The following IKZF2 variants were observed in gnomAD, a reference collection of about 807,000 sequenced individuals.
IKZF2 encodes the protein IKAROS family zinc finger 2, also known as zinc finger protein Helios.
In IKZF2, 15 loss-of-function variants were observed where a neutral mutation model predicts 49.2. The ratio of observed to expected loss-of-function variants is 0.30; its 90% CI spans 0.20 to 0.47. The LOEUF (loss-of-function observed/expected upper bound fraction) is 0.47, where lower values mean the gene tolerates loss of function less well. Ranked by LOEUF, IKZF2 falls within the 20% of genes least tolerant of loss-of-function variation. IKZF2 has a pLI of 1.00. For synonymous variants in IKZF2, 227 were observed against 221.4 expected (o/e 1.03, Z -0.23); for missense variants, 567 against 664.6 (o/e 0.85, Z 1.61).
At chr2:213,010,886 G>A (rs1695873253) in intron 8 of IKZF2, among the ~76,000 whole-genome samples, 1 of 152,058 alleles carries the variant, frequency 6.6e-6, no homozygotes, top group Non-Finnish European at 1.5e-5. Flanking sequence ...AAATATTTAG[G>A]CATATGAATG....
At chr2:213,113,237 TATCA>T (rs1283462116) in intron 4 of IKZF2, among the ~76,000 whole-genome samples, 1 of 152,208 alleles carries the variant, frequency 6.6e-6, no homozygotes, top group Non-Finnish European at 1.5e-5. Context: ...CTCCAATGAC[TATCA>T]AAGAAGTTGA....
At position 213,151,592 on chromosome 2, in the gene IKZF2, T is replaced by G. The variant is rs1481131268; in HGVS notation, c.-299A>C. On this transcript the variant is annotated 5_prime_UTR_variant, in exon 1 of 9. Coordinates refer to ENST00000434687, the MANE Select transcript of IKZF2 (RefSeq NM_001387220.1). Reference sequence around the variant, plus strand: ...AATCCTGTTTTTACTTCCTCCATCTTCAGCGAGGAGCAGGGTTAGCCCGGG... The same window carrying G: ...AATCCTGTTTTTACTTCCTCCATCTGCAGCGAGGAGCAGGGTTAGCCCGGG... The G allele has an allele frequency of 6.6e-6, 1 of 152,392 alleles. No homozygotes were observed. Among genetic ancestry groups the G allele is most frequent in the Non-Finnish European group, 1.5e-5 (1 of 67,964 alleles). 9.4% of individuals were successfully genotyped at this position (152,392 alleles called of 1,614,324 possible).
At chr2:213,025,019 G>A (rs1204584238) in intron 6 of IKZF2, among the ~76,000 whole-genome samples, 5 of 151,662 alleles carry the variant, frequency 3.3e-5, no homozygotes, top group South Asian at 2.1e-4. Context: ...CAACTGAAGC[G>A]GACTTTTTCT....
intron 8 of IKZF2, among the ~76,000 whole-genome samples, chr2:213,010,871 T>C (rs1032310786): frequency 1.3e-5 from 2 of 152,116 alleles, no homozygotes; most frequent in African/African-American, 2.4e-5. Flanking sequence ...AGATTTATAA[T>C]ATAAAAATAT....
intron 8 of IKZF2, 140 bp from the exon 9 acceptor site, chr2:213,008,224 T>A: frequency 1.9e-6 from 2 of 1,049,634 alleles, no homozygotes; most frequent in Non-Finnish European, 1.3e-6. Context: ...ACTCTATAAG[T>A]CAAGTATTTG....
intron 4 of IKZF2, among the ~76,000 whole-genome samples, chr2:213,074,794 C>T (rs1392654562): frequency 6.6e-6 from 1 of 152,058 alleles, no homozygotes; most frequent in East Asian, 1.9e-4. Context: ...TAGGAAAAAA[C>T]CTTCTCTTAA....
intron 2 of IKZF2, among the ~76,000 whole-genome samples, chr2:213,148,966 C>T (rs1559336521): frequency 2.0e-5 from 3 of 152,166 alleles, no homozygotes. Flanking sequence ...TCAGCTTTAA[C>T]TGGGATTTAA....
At chr2:213,111,703 C>T (rs10207421) in intron 4 of IKZF2, among the ~76,000 whole-genome samples, 45,443 of 151,918 alleles carry the variant, frequency 0.3, 8,498 homozygotes, top group East Asian at 0.55. Flanking sequence ...CTTTTGGACT[C>T]ACATACATAC....
At chr2:213,024,816 T>A (rs1161108966) in intron 6 of IKZF2, among the ~76,000 whole-genome samples, 1 of 152,152 alleles carries the variant, frequency 6.6e-6, no homozygotes, top group Non-Finnish European at 1.5e-5. Context: ...CATTTCATAC[T>A]ATTTCTTAAA....
At chr2:213,139,390 C>G (rs1446917771) in intron 4 of IKZF2, among the ~76,000 whole-genome samples, 1 of 151,950 alleles carries the variant, frequency 6.6e-6, no homozygotes, top group Non-Finnish European at 1.5e-5. Context: ...ATTAGGTTCT[C>G]TTAGTCTAAT....
intron 4 of IKZF2, among the ~76,000 whole-genome samples, chr2:213,122,236 C>G (rs911775779): frequency 6.6e-6 from 1 of 152,208 alleles, no homozygotes; most frequent in Non-Finnish European, 1.5e-5. Context: ...CGTTCTTCTA[C>G]CATCTTCTGA....
intron 4 of IKZF2, among the ~76,000 whole-genome samples, chr2:213,119,425 T>G (rs1340613022): frequency 6.6e-6 from 1 of 151,970 alleles, no homozygotes; most frequent in African/African-American, 2.4e-5. Context: ...CAAATTTCCC[T>G]AACTTTAGTC....
intron 4 of IKZF2, among the ~76,000 whole-genome samples, chr2:213,121,164 A>G (rs922828042): frequency 3.3e-5 from 5 of 152,204 alleles, no homozygotes; most frequent in African/African-American, 1.2e-4. Context: ...TTGCTGACTG[A>G]TCAAGATGCA....
intron 4 of IKZF2, among the ~76,000 whole-genome samples, chr2:213,144,875 C>A (rs1006009395): frequency 3.3e-5 from 5 of 151,876 alleles, no homozygotes; most frequent in Admixed American, 6.6e-5. Context: ...TTAAGTTTAT[C>A]TTAGATGCTA....
intron 4 of IKZF2, among the ~76,000 whole-genome samples, chr2:213,135,902 A>G (rs1324715687): frequency 3.3e-5 from 5 of 151,586 alleles, no homozygotes; most frequent in Admixed American, 3.3e-4. Context: ...GCAAAAAAAA[A>G]TTAGCCGGGC....
intron 2 of IKZF2, 87 bp downstream of exon 2, chr2:213,150,057 G>C (rs1257848270): frequency 6.4e-6 from 4 of 621,202 alleles, no homozygotes; most frequent in South Asian, 3.4e-5. Flanking sequence ...GCGAAAGAAG[G>C]CTGCCCCATC....
chr2:213,052,500 T>G (rs1182012470), intron 5 of IKZF2, among the ~76,000 whole-genome samples: 1 of 152,088 alleles, frequency 6.6e-6, no homozygotes, highest in East Asian at 1.9e-4. Flanking sequence ...TTTCCTCATT[T>G]TATTTGCCTA....
chr2:213,005,658 G>T lies in IKZF2; in HGVS notation c.*1702C>A, dbSNP rs1695284188. The T allele has an allele frequency of 1.3e-5, 2 of 152,014 alleles. No individual in the cohort carries two copies. The highest frequency in any genetic ancestry group is 2.1e-4 in the South Asian group (1 of 4,818). 9.4% of individuals were successfully genotyped at this position (152,014 alleles called of 1,614,324 possible). On this transcript the variant is annotated 3_prime_UTR_variant, in exon 9 of 9. Transcript: ENST00000434687. ...AACAGAATTTCAGTATTCACAAATGGTTATCAGATAATCCAGTCACAGTCA... is the reference window on the plus strand; with the variant it reads ...AACAGAATTTCAGTATTCACAAATGTTTATCAGATAATCCAGTCACAGTCA...
At chr2:213,115,879 G>C (rs1395467909) in intron 4 of IKZF2, among the ~76,000 whole-genome samples, 2 of 151,396 alleles carry the variant, frequency 1.3e-5, no homozygotes, top group Non-Finnish European at 2.9e-5. Context: ...CAAATAATTA[G>C]CCACCCCATT....
Sources: allele counts gnomAD v4.1 joint callset (sites outside exome capture counted in the v4.1 genomes callset), GRCh38; gene constraint gnomAD v4.1.1; transcripts MANE v1.5; gene names NCBI Gene and HGNC (gene_info 2026-07-23, HGNC 2026-07-21).